Variants in SYBU observed in about 807,000 individuals in gnomAD.
SYBU encodes the protein syntabulin.
SYBU carries 21 observed loss-of-function variants against 35.9 expected under a neutral mutation model. The observed-to-expected ratio is 0.58, with a 90% CI of 0.41 to 0.84. The LOEUF (loss-of-function observed/expected upper bound fraction) is 0.84, where lower values mean the gene tolerates loss of function less well. Ranked by LOEUF, SYBU falls within the 40% of genes least tolerant of loss-of-function variation. The probability of loss-of-function intolerance (pLI) is 0.00; values close to 1 mark genes in which losing one functional copy is unlikely to be tolerated. For missense variants in SYBU, 768 were observed against 848.2 expected (o/e 0.91, Z 1.17); for synonymous variants, 319 against 324.3 (o/e 0.98, Z 0.18).
intron 1 of SYBU, among the ~76,000 whole-genome samples, chr8:109,667,404 C>G (rs1816796299): frequency 6.6e-6 from 1 of 151,960 alleles, no homozygotes. Context: ...AGCCACCGTG[C>G]CTGGCCCCTA....
chr8:109,642,644 T>C (rs1563755782), intron 2 of SYBU, 84 bp downstream of exon 2: 1 of 875,596 alleles, frequency 1.1e-6, no homozygotes, highest in Non-Finnish European at 1.7e-6. Context: ...TTCTAGGCTA[T>C]AAGGGACCCA....
chr8:109,632,211 G>A (rs1813703760), intron 2 of SYBU, among the ~76,000 whole-genome samples: 1 of 152,090 alleles, frequency 6.6e-6, no homozygotes, highest in African/African-American at 2.4e-5. Flanking sequence ...CACCATGCCT[G>A]GTTAATTTTA....
rs1295210732 is a variant in SYBU, at chr8:109,620,057, C to G, written c.230-1018G>C. ...TTATTATGGAAACAGGAAAGTCATACTGCTGACTCCTATAAATGCGTTCCA... is the reference window on the plus strand; with the variant it reads ...TTATTATGGAAACAGGAAAGTCATAGTGCTGACTCCTATAAATGCGTTCCA... On this transcript the variant is annotated intron_variant, in intron 2 of 6. Coordinates refer to ENST00000276646, the MANE Select transcript of SYBU (RefSeq NM_001099754.2). Among the ~76,000 whole-genome samples, 7 of 152,292 alleles carry G rather than the reference C, an allele frequency of 4.6e-5. No individual in the cohort carries two copies. In the East Asian group the frequency reaches 1.4e-3, roughly 29 times the overall value.
Position 109,643,071 on chromosome 8 carries a change from C to G in SYBU, c.25-139G>C, listed in dbSNP as rs530992049. 2.3e-4 allele frequency: 317 copies of G among 1,377,968 alleles called. 3 individuals carry two copies. The East Asian group carries it at 8.6e-3, about 37-fold the overall frequency. The allele number at this position is 1,377,968 out of a possible 1,614,324, so 85.4% of individuals were successfully genotyped here. A position where few individuals can be genotyped will look rare whatever the true frequency, so the allele number is the denominator to read the frequency against. ...CTTCACAGAGTAGTCCTTCTTATCT[C>G]AGTTGCTGAAATGAGCTTCAAAACT... On this transcript the variant is annotated intron_variant, in intron 1 of 6. Coordinates refer to ENST00000276646, the MANE Select transcript of SYBU (RefSeq NM_001099754.2).
intron 2 of SYBU, among the ~76,000 whole-genome samples, chr8:109,634,768 G>C (rs1374917499): frequency 6.6e-6 from 1 of 152,114 alleles, no homozygotes; most frequent in Non-Finnish European, 1.5e-5. Context: ...CACCTAACCT[G>C]GACATTGAAA....
chr8:109,602,285 A>G (rs1286894364), intron 3 of SYBU, among the ~76,000 whole-genome samples: 1 of 152,192 alleles, frequency 6.6e-6, no homozygotes. Flanking sequence ...TGTTTGGAAA[A>G]GCAAACAAAA....
chr8:109,636,430 G>T (rs928356811), intron 2 of SYBU, among the ~76,000 whole-genome samples: 4 of 152,218 alleles, frequency 2.6e-5, no homozygotes, highest in South Asian at 2.1e-4. Context: ...TCAGTGTCAG[G>T]GTTAAGGCAG....
chr8:109,597,308 T>C (rs1824994896), intron 3 of SYBU, among the ~76,000 whole-genome samples: 1 of 152,202 alleles, frequency 6.6e-6, no homozygotes, highest in Non-Finnish European at 1.5e-5. Flanking sequence ...TGGTGTTTAA[T>C]GCAGCCCAGA....
intron 1 of SYBU, among the ~76,000 whole-genome samples, chr8:109,673,547 C>T (rs1049574348): frequency 2.0e-5 from 3 of 152,094 alleles, no homozygotes; most frequent in Non-Finnish European, 4.4e-5. Flanking sequence ...GCATCAAAGA[C>T]CAAAGGTAGA....
At chr8:109,686,005 G>A (rs901381415), upstream of SYBU, among the ~76,000 whole-genome samples, 11 of 152,176 alleles carry the variant, frequency 7.2e-5, no homozygotes, top group South Asian at 2.1e-4. Flanking sequence ...TTGTCAATTC[G>A]TCCTACAAGC....
intron 1 of SYBU, among the ~76,000 whole-genome samples, chr8:109,678,059 G>A (rs372313433): frequency 4.7e-5 from 7 of 149,454 alleles, no homozygotes; most frequent in South Asian, 4.3e-4. Context: ...ACTTGAACCC[G>A]GGAGGTGGGG....
intron 3 of SYBU, among the ~76,000 whole-genome samples, chr8:109,609,801 A>G: frequency 6.6e-6 from 1 of 152,208 alleles, no homozygotes; most frequent in Middle Eastern, 3.4e-3. Flanking sequence ...TAAAAATCTC[A>G]TTAGGAAAAT....
At chr8:109,653,065 A>T (rs1816213360) in intron 1 of SYBU, among the ~76,000 whole-genome samples, 1 of 152,188 alleles carries the variant, frequency 6.6e-6, no homozygotes, top group Admixed American at 6.5e-5. Flanking sequence ...ATTCACAATG[A>T]CCCAGAGGAG....
chr8:109,644,546 T>A (rs558592879), intron 1 of SYBU, 90 bp downstream of exon 1: 1 of 1,428,320 alleles, frequency 7.0e-7, no homozygotes, highest in Admixed American at 2.0e-5. Flanking sequence ...ACTCTAAATG[T>A]CACCCCTCCA....
At chr8:109,605,395 T>C (rs138532909) in intron 3 of SYBU, among the ~76,000 whole-genome samples, 3 of 152,214 alleles carry the variant, frequency 2.0e-5, no homozygotes, top group Non-Finnish European at 4.4e-5. Context: ...TCAGCATGTA[T>C]GAACATACAT....
At chr8:109,640,365 T>A (rs1209993557) in intron 2 of SYBU, among the ~76,000 whole-genome samples, 1 of 152,210 alleles carries the variant, frequency 6.6e-6, no homozygotes, top group East Asian at 1.9e-4. Context: ...TTTTTGTTGT[T>A]GTTTTGAACA....
At chr8:109,632,206 T>C (rs1460883515) in intron 2 of SYBU, among the ~76,000 whole-genome samples, 1 of 152,162 alleles carries the variant, frequency 6.6e-6, no homozygotes, top group Non-Finnish European at 1.5e-5. Context: ...CCCGCCACCA[T>C]GCCTGGTTAA....
At chr8:109,649,848 C>T (rs953454708) in intron 1 of SYBU, among the ~76,000 whole-genome samples, 2 of 152,262 alleles carry the variant, frequency 1.3e-5, no homozygotes, top group South Asian at 2.1e-4. Flanking sequence ...GGAAAGTATG[C>T]GTGTAAAGGT....
At chr8:109,685,883 G>C (rs936371672), upstream of SYBU, among the ~76,000 whole-genome samples, 1 of 152,072 alleles carries the variant, frequency 6.6e-6, no homozygotes, top group African/African-American at 2.4e-5. Context: ...TTTTAGAAAA[G>C]AAATAGAAAT....
Sources: gnomAD v4.1 joint callset for allele counts (sites outside exome capture counted in the v4.1 genomes callset) on GRCh38, gnomAD v4.1.1 for gene constraint, MANE v1.5 for transcripts, NCBI Gene and HGNC (gene_info 2026-07-23, HGNC 2026-07-21) for gene names.